SBF2: variants seen among roughly 807,000 people sequenced by gnomAD.
SBF2 encodes SET binding factor 2.
Under a neutral mutation model 225.2 loss-of-function variants are expected in SBF2, and 112 were observed. That is an observed-to-expected ratio of 0.50 (90% CI 0.43 to 0.58). The LOEUF (loss-of-function observed/expected upper bound fraction) is 0.58, where lower values mean the gene tolerates loss of function less well. Ranked by LOEUF, SBF2 falls within the 20% of genes least tolerant of loss-of-function variation. The pLI, the probability that SBF2 is intolerant of heterozygous loss-of-function variation, is 0.00. For synonymous variants in SBF2, 763 were observed against 773.3 expected, an observed-to-expected ratio of 0.99 and a Z score of 0.22; for missense variants, 1,996 against 2,206.2, an observed-to-expected ratio of 0.90 and a Z score of 1.91.
intron 2 of SBF2, among the ~76,000 whole-genome samples, chr11:10,077,719 T>C (rs757975049): frequency 7.2e-5 from 11 of 152,242 alleles, no homozygotes; most frequent in Non-Finnish European, 1.5e-4. Context: ...ATGTAGCACA[T>C]AGGCATGGGC....
intron 16 of SBF2, among the ~76,000 whole-genome samples, chr11:9,897,808 G>C (rs901237407): frequency 1.3e-5 from 2 of 152,184 alleles, no homozygotes; most frequent in African/African-American, 4.8e-5. Context: ...AGAGAAAAGA[G>C]GCATAGGTGT....
intron 2 of SBF2, among the ~76,000 whole-genome samples, chr11:10,074,409 A>G (rs1951015930): frequency 6.6e-6 from 1 of 152,220 alleles, no homozygotes; most frequent in Admixed American, 6.5e-5. Flanking sequence ...GAATTCACAA[A>G]AACTCAGCCA....
chr11:9,799,573 A>G (rs1853359685), intron 32 of SBF2, among the ~76,000 whole-genome samples: 1 of 152,248 alleles, frequency 6.6e-6, no homozygotes, highest in African/African-American at 2.4e-5. Flanking sequence ...GTGGAAAAAG[A>G]AAAGTCAGAT....
chr11:10,056,802 G>T (rs1950271163), intron 2 of SBF2, among the ~76,000 whole-genome samples: 1 of 152,072 alleles, frequency 6.6e-6, no homozygotes, highest in Admixed American at 6.5e-5. Context: ...GGAGGGGCTG[G>T]CCACCATCTT....
At chr11:9,867,562 A>G (rs1858334871) in intron 17 of SBF2, among the ~76,000 whole-genome samples, 1 of 152,194 alleles carries the variant, frequency 6.6e-6, no homozygotes, top group Non-Finnish European at 1.5e-5. Flanking sequence ...AGTATATCAA[A>G]GAGATTACAT....
chr11:9,931,853 A>T (rs1181277995), intron 16 of SBF2, among the ~76,000 whole-genome samples: 26 of 152,314 alleles, frequency 1.7e-4, no homozygotes, highest in African/African-American at 6.3e-4. Context: ...GAGCATGTTC[A>T]AACCCATCGC....
intron 6 of SBF2, among the ~76,000 whole-genome samples, chr11:10,012,771 T>C (rs537839855): frequency 6.6e-6 from 1 of 152,340 alleles, no homozygotes; most frequent in South Asian, 2.1e-4. Flanking sequence ...GAATTATATT[T>C]TTTTCCTGAA....
In SBF2 at chr11:10,203,500, C is replaced by T. The variant is rs541123216; in HGVS notation, c.56-9513G>A. 3.3e-5 allele frequency among the ~76,000 whole-genome samples: 5 copies of T among 152,110 alleles called. No homozygotes were observed. In the East Asian group the frequency reaches 5.8e-4, roughly 18 times the overall value. ...CAAGTGACTTAATTACATCTCAGAA[C>T]GAAGTTCAAGAATATTTACAGGAAC... On this transcript the variant is annotated intron_variant, in intron 1 of 39. Transcript: ENST00000256190.
chr11:10,228,826 C>G (rs1158817799), intron 1 of SBF2, among the ~76,000 whole-genome samples: 1 of 152,164 alleles, frequency 6.6e-6, no homozygotes, highest in African/African-American at 2.4e-5. Context: ...ATGATGCTGG[C>G]CTCATAAAAT....
At chr11:10,216,424 G>C (rs970667784) in intron 1 of SBF2, among the ~76,000 whole-genome samples, 89 of 152,344 alleles carry the variant, frequency 5.8e-4, no homozygotes, top group African/African-American at 2.0e-3. Context: ...TCAGCTGTTT[G>C]AAAGCCATAA....
chr11:9,943,077 G>C (rs1014997287), intron 16 of SBF2, among the ~76,000 whole-genome samples: 1 of 152,084 alleles, frequency 6.6e-6, no homozygotes, highest in African/African-American at 2.4e-5. Flanking sequence ...CCTGAATGGA[G>C]TCACATATTT....
At position 10,011,152 on chromosome 11, in the gene SBF2, GTTGT is replaced by G. The variant is rs557989967; in HGVS notation, c.620-8467_620-8464del. Among the ~76,000 whole-genome samples, 7 of 152,252 alleles carry G rather than the reference GTTGT, an allele frequency of 4.6e-5. No individual in the cohort carries two copies. The East Asian group carries it at 1.2e-3, about 25-fold the overall frequency. The stretch of plus-strand genomic sequence containing the variant: ...TACCCACAGATTTCCCATTTCTAGT[GTTGT>G]TTGTTCGTGTGAAATCGAATTATTA... On this transcript the variant is annotated intron_variant, in intron 6 of 39. Coordinates refer to ENST00000256190, the MANE Select transcript of SBF2 (RefSeq NM_030962.4).
chr11:10,125,415 T>C (rs562423781), intron 2 of SBF2, among the ~76,000 whole-genome samples: 1 of 152,274 alleles, frequency 6.6e-6, no homozygotes, highest in African/African-American at 2.4e-5. Flanking sequence ...ATATTTTTAA[T>C]ATTTGGAAAT....
chr11:10,195,995 T>C (rs1253410522), intron 1 of SBF2, among the ~76,000 whole-genome samples: 1 of 152,152 alleles, frequency 6.6e-6, no homozygotes, highest in Non-Finnish European at 1.5e-5. Flanking sequence ...GAAAAAGACA[T>C]AGTCCCTATC....
At chr11:10,247,528 A>T (rs1367149427) in intron 1 of SBF2, among the ~76,000 whole-genome samples, 1 of 71,802 alleles carries the variant, frequency 1.4e-5, no homozygotes, top group East Asian at 7.0e-4. Context: ...TAAAAATACA[A>T]AAAAAAAAAA....
chr11:9,895,392 T>C (rs78200053), intron 17 of SBF2, among the ~76,000 whole-genome samples: 11,582 of 152,202 alleles, frequency 0.076, 511 homozygotes, highest in East Asian at 0.1. Flanking sequence ...AATTTGCTGG[T>C]TTTTTCTGCC....
At chr11:9,922,039 C>A (rs974198985) in intron 16 of SBF2, among the ~76,000 whole-genome samples, 1 of 151,750 alleles carries the variant, frequency 6.6e-6, no homozygotes, top group Non-Finnish European at 1.5e-5. Context: ...TGAGCCCAGG[C>A]GTTTTAAGAC....
At chr11:9,856,255 G>A (rs890847858) in intron 19 of SBF2, among the ~76,000 whole-genome samples, 1 of 152,240 alleles carries the variant, frequency 6.6e-6, no homozygotes, top group African/African-American at 2.4e-5. Flanking sequence ...TAAAAAAGAA[G>A]AAAGTGTGGG....
intron 17 of SBF2, among the ~76,000 whole-genome samples, chr11:9,872,889 T>C (rs1858894747): frequency 6.6e-6 from 1 of 152,108 alleles, no homozygotes; most frequent in Admixed American, 6.5e-5. Flanking sequence ...CATAGTTGTG[T>C]CTGAAAAGTA....
Sources: allele counts gnomAD v4.1 joint callset (sites outside exome capture counted in the v4.1 genomes callset), GRCh38; gene constraint gnomAD v4.1.1; transcripts MANE v1.5; gene names NCBI Gene and HGNC (gene_info 2026-07-23, HGNC 2026-07-21).